Variants in LRRC46 observed in about 807,000 individuals in gnomAD.
The protein encoded by LRRC46 is leucine-rich repeat-containing protein 46.
Under a neutral mutation model 28.0 loss-of-function variants are expected in LRRC46, and 20 were observed. That is an observed-to-expected ratio of 0.71 (90% CI 0.50 to 1.04). The LOEUF (loss-of-function observed/expected upper bound fraction) is 1.04, where lower values mean the gene tolerates loss of function less well. LRRC46 is among the 50% of genes least tolerant of loss of function. LRRC46 has a pLI of 0.00. For missense variants in LRRC46, 315 were observed against 390.1 expected (o/e 0.81, Z 1.62); for synonymous variants, 156 against 158.8 (o/e 0.98, Z 0.13).
In LRRC46 at chr17:47,836,946, C is replaced by A; in HGVS notation, c.792C>A (p.Ala264=). 2 of 1,613,850 alleles carry A rather than the reference C, an allele frequency of 1.2e-6. No homozygotes were observed. Among genetic ancestry groups the A allele is most frequent in the Non-Finnish European group, 1.7e-6 (2 of 1,179,930 alleles). ...AAGGGGAGGAGACAGTCCCTGAGGC[C>A]GTCTCCTCACCCCAGGCCTCCTCTC... ...PAQGEETVPE[A]VSSPQASSPT... is the part of the protein sequence containing the mutation. Residue 264 remains alanine (A), a synonymous_variant, in exon 8 of 8, where the codon GCC becomes GCA. Transcript: ENST00000269025. The surrounding 1 kb of genome is among the most constrained non-coding windows in gnomAD (Gnocchi z 5.8).
Position 47,835,832 on chromosome 17 carries a change from C to G in LRRC46, c.382+57C>G, listed in dbSNP as rs546374539. 6.8e-6 allele frequency: 10 copies of G among 1,473,206 alleles called. No homozygotes were observed. In the East Asian group the frequency reaches 2.3e-4, roughly 33 times the overall value. 91.3% of individuals were successfully genotyped at this position (1,473,206 alleles called of 1,614,324 possible). A position where few individuals can be genotyped will look rare whatever the true frequency, so the allele number is the denominator to read the frequency against. On this transcript the variant is annotated intron_variant, in intron 5 of 7. Coordinates refer to ENST00000269025, the MANE Select transcript of LRRC46 (RefSeq NM_033413.4). ...ACATCCCCTGTGGGGCCTGCCCTCC[C>G]CTCTGCACCCATCTGCCCATGCTTC...
intron 3 of LRRC46, 42 bp downstream of exon 3, chr17:47,834,575 G>A (rs1411673493): frequency 7.2e-7 from 1 of 1,381,104 alleles, no homozygotes; most frequent in Admixed American, 1.7e-5. Context: ...TGACCCCTGT[G>A]GACCTAATCT....
In LRRC46 at chr17:47,835,748, G is replaced by C. The variant is rs767807482; in HGVS notation, c.355G>C (p.Glu119Gln). 20 of 1,614,070 alleles carry C rather than the reference G, an allele frequency of 1.2e-5. No homozygotes were observed. Among genetic ancestry groups the C allele is most frequent in the Middle Eastern group, 1.6e-4 (1 of 6,084 alleles). Reference sequence around the variant, plus strand: ...ATGCCTCCAGTTTCTGGACCTTTCTGAGAACCTGATAGAAACATTGAAGCT... The same window carrying C: ...ATGCCTCCAGTTTCTGGACCTTTCTCAGAACCTGATAGAAACATTGAAGCT... Reference protein sequence around the residue: ...LPCLQFLDLSENLIETLKLDE... With the variant: ...LPCLQFLDLSQNLIETLKLDE... The change falls in exon 5 of 8, where the codon GAG (glutamate) becomes CAG (glutamine). Residue 119 changes from glutamate (E) to glutamine (Q), a missense_variant. Physicochemically the swap from Glu to Gln is conservative, Grantham distance 29 (BLOSUM62 2). Coordinates refer to ENST00000269025, the MANE Select transcript of LRRC46 (RefSeq NM_033413.4).
chr17:47,836,943 G>A lies in LRRC46; in HGVS notation c.789G>A (p.Glu263=), dbSNP rs565851892. ...TPAQGEETVP[E]AVSSPQASSP... Reference sequence around the variant, plus strand: ...CGCAAGGGGAGGAGACAGTCCCTGAGGCCGTCTCCTCACCCCAGGCCTCCT... The same window carrying A: ...CGCAAGGGGAGGAGACAGTCCCTGAAGCCGTCTCCTCACCCCAGGCCTCCT... The change falls in exon 8 of 8, where the codon GAG becomes GAA. Residue 263 remains glutamate (E), a synonymous_variant. Coordinates refer to ENST00000269025, the MANE Select transcript of LRRC46 (RefSeq NM_033413.4). This position sits in a 1 kb window ranked among gnomAD's most constrained non-coding sequence, Gnocchi z 5.8. 6.2e-6 allele frequency: 10 copies of A among 1,613,814 alleles called. No individual in the cohort carries two copies. In the African/African-American group the frequency reaches 1.3e-4, roughly 22 times the overall value.
chr17:47,832,215 TG>T lies in LRRC46; in HGVS notation c.116+15del. 1 of 1,562,680 alleles carries T rather than the reference TG, an allele frequency of 6.4e-7. No homozygotes were observed. The highest frequency in any genetic ancestry group is 8.7e-7 in the Non-Finnish European group (1 of 1,151,588). On this transcript the variant is annotated intron_variant, in intron 2 of 7. Transcript: ENST00000269025. ...AACTGTCAGAGAAGATGTGAGTGCA[TG>T]GGGGAGAAAAGGGGTGCTAGAAGGC...
rs2033695418 is a variant in LRRC46, at chr17:47,836,318, CCTT to C, written c.453-12_453-10del. ...GGTGCCCTCCTGGGTAACCTCTGCT[CCTT>C]CTGCTCTGCAGCGAGCTGGTGACAG... On this transcript the variant is annotated splice_polypyrimidine_tract_variant and intron_variant, in intron 6 of 7. Coordinates refer to ENST00000269025, the MANE Select transcript of LRRC46 (RefSeq NM_033413.4). This position sits in a 1 kb window ranked among gnomAD's most constrained non-coding sequence, Gnocchi z 5.8. 1.9e-6 allele frequency: 3 copies of C among 1,613,198 alleles called. No individual in the cohort carries two copies. The highest frequency in any genetic ancestry group is 8.5e-7 in the Non-Finnish European group (1 of 1,179,884).
At chr17:47,833,383 C>T (rs1421299269) in intron 2 of LRRC46, among the ~76,000 whole-genome samples, 3 of 151,088 alleles carry the variant, frequency 2.0e-5, no homozygotes, top group Non-Finnish European at 4.4e-5. Context: ...TCTTCCTCCT[C>T]CTTCTTCCTT....
Position 47,836,145 on chromosome 17 carries a change from A to G in LRRC46, c.452+43A>G. 2 of 1,604,364 alleles carry G rather than the reference A, an allele frequency of 1.2e-6. No individual in the cohort carries two copies. Among genetic ancestry groups the G allele is most frequent in the African/African-American group, 1.3e-5 (1 of 74,800 alleles). On this transcript the variant is annotated intron_variant, in intron 6 of 7. Coordinates refer to ENST00000269025, the MANE Select transcript of LRRC46 (RefSeq NM_033413.4). This position sits in a 1 kb window ranked among gnomAD's most constrained non-coding sequence, Gnocchi z 5.8. ...GGAAGAAAGGTCATGGCTGAGCTCT[A>G]CCTGCTAACTCAGCCCAGACCCCTC...
At chr17:47,835,289 C>A in intron 3 of LRRC46, 64 bp from the exon 4 acceptor site, 1 of 1,552,002 alleles carries the variant, frequency 6.4e-7, no homozygotes, top group South Asian at 1.1e-5. Flanking sequence ...GGCTTTGTCC[C>A]CGTAAAGGGC....
intron 3 of LRRC46, 128 bp downstream of exon 3, chr17:47,834,661 C>T: frequency 3.2e-6 from 2 of 616,988 alleles, no homozygotes; most frequent in Non-Finnish European, 2.9e-6. Flanking sequence ...TCATTTAAAC[C>T]ATTCCCAGAC....
At chr17:47,832,348 T>C (rs553034828) in intron 2 of LRRC46, 143 bp downstream of exon 2, 6 of 552,056 alleles carry the variant, frequency 1.1e-5, no homozygotes, top group Middle Eastern at 4.9e-4. Context: ...CCAGCTGATT[T>C]TCCCTTCTTC....
intron 2 of LRRC46, among the ~76,000 whole-genome samples, chr17:47,833,448 ATTTT>A (rs35268915): frequency 5.1e-5 from 6 of 118,670 alleles, no homozygotes; most frequent in African/African-American, 1.7e-4. Flanking sequence ...CCTTCTTCCT[ATTTT>A]TTTTTTTTTT....
rs1324040061 is a variant in LRRC46, at chr17:47,831,941, T to C, written c.-49T>C. On this transcript the variant is annotated 5_prime_UTR_variant, in exon 1 of 8. Coordinates refer to ENST00000269025, the MANE Select transcript of LRRC46 (RefSeq NM_033413.4). ...CATCCTTAGGGGCCGCCAAGACCTC[T>C]CTTTTCGTTCCTCTCCCGCCTCAGA... 1 of 1,612,260 alleles carries C rather than the reference T, an allele frequency of 6.2e-7. No homozygotes were observed. The highest frequency in any genetic ancestry group is 8.5e-7 in the Non-Finnish European group (1 of 1,179,920).
chr17:47,835,740 A>T lies in LRRC46; in HGVS notation c.347A>T (p.Asp116Val). Reference protein sequence around the residue: ...LLDLPCLQFLDLSENLIETLK... With the variant: ...LLDLPCLQFLVLSENLIETLK... ...GACCTCCCATGCCTCCAGTTTCTGGACCTTTCTGAGAACCTGATAGAAACA... is the reference window on the plus strand; with the variant it reads ...GACCTCCCATGCCTCCAGTTTCTGGTCCTTTCTGAGAACCTGATAGAAACA... The change falls in exon 5 of 8, where the codon GAC becomes GTC. Residue 116 changes from aspartate to valine, a missense_variant. Transcript: ENST00000269025. The T allele has an allele frequency of 6.2e-7, 1 of 1,614,136 alleles. No individual in the cohort carries two copies. Among genetic ancestry groups the T allele is most frequent in the Non-Finnish European group, 8.5e-7 (1 of 1,180,016 alleles).
In LRRC46 at chr17:47,831,849, A is replaced by G. The variant is rs1324158995; in HGVS notation, c.-141A>G. On this transcript the variant is annotated 5_prime_UTR_variant, in exon 1 of 8. Transcript: ENST00000269025. Reference sequence around the variant, plus strand: ...ACCTCACCCCAGCAATTTTCTCTGAATCAACCCCCTTTCCTCCTCTCCTAA... The same window carrying G: ...ACCTCACCCCAGCAATTTTCTCTGAGTCAACCCCCTTTCCTCCTCTCCTAA... 3.3e-5 allele frequency: 37 copies of G among 1,109,770 alleles called. No homozygotes were observed. The East Asian group carries it at 7.4e-4, about 22-fold the overall frequency. The allele number at this position is 1,109,770 out of a possible 1,614,324, so 68.7% of individuals were successfully genotyped here.
chr17:47,836,550 T>TG lies in LRRC46; in HGVS notation c.595+77dup. ...CTGTGGGACATGAGGGAAGCTAAGG[T>TG]GGCAGTGGCGTCCGGGGAGGGGAGC... is the stretch of plus-strand genomic sequence containing the variant. On this transcript the variant is annotated intron_variant, in intron 7 of 7. Coordinates refer to ENST00000269025, the MANE Select transcript of LRRC46 (RefSeq NM_033413.4). The surrounding 1 kb of genome is among the most constrained non-coding windows in gnomAD (Gnocchi z 5.8). 6.4e-7 allele frequency: 1 copy of TG among 1,571,426 alleles called. No individual in the cohort carries two copies.
rs201474905 is a variant in LRRC46, at chr17:47,836,405, G to A, written c.525G>A (p.Ser175=). The A allele has an allele frequency of 2.5e-5, 40 of 1,614,162 alleles. No homozygotes were observed. The highest frequency in any genetic ancestry group is 5.3e-5 in the African/African-American group (4 of 75,044). The change falls in exon 7 of 8, where the codon TCG becomes TCA. Residue 175 remains serine, a synonymous_variant. Transcript: ENST00000269025. The surrounding 1 kb of genome is among the most constrained non-coding windows in gnomAD (Gnocchi z 5.8). ...AGCCTGTGGTGGAGCGCTGGATTTC[G>A]GATGAGGAGGATGAAGCCTCAAGCG... ...DGQPVVERWI[S]DEEDEASSDE... is the part of the protein sequence containing the mutation.
chr17:47,836,542 AG>A lies in LRRC46; in HGVS notation c.595+68del. On this transcript the variant is annotated intron_variant, in intron 7 of 7. Transcript: ENST00000269025. The surrounding 1 kb of genome is among the most constrained non-coding windows in gnomAD (Gnocchi z 5.8). ...CCTCTGCCCTGTGGGACATGAGGGA[AG>A]CTAAGGTGGCAGTGGCGTCCGGGGA... 1 of 1,579,376 alleles carries A rather than the reference AG, an allele frequency of 6.3e-7. No homozygotes were observed. Among genetic ancestry groups the A allele is most frequent in the Non-Finnish European group, 8.6e-7 (1 of 1,161,508 alleles).
chr17:47,835,436 T>C (rs767085414), intron 4 of LRRC46, 37 bp downstream of exon 4: 4 of 1,611,422 alleles, frequency 2.5e-6, no homozygotes, highest in South Asian at 1.1e-5. Flanking sequence ...GGAAGAGGGG[T>C]TGGGGGAACC....
Sources: allele counts gnomAD v4.1 joint callset (sites outside exome capture counted in the v4.1 genomes callset), GRCh38; gene constraint gnomAD v4.1.1; non-coding constraint Gnocchi (gnomAD v3.1); transcripts MANE v1.5; gene names NCBI Gene and HGNC (gene_info 2026-07-23, HGNC 2026-07-21).